The following RBM20 variants were observed in gnomAD, a reference collection of about 807,000 sequenced individuals.
RBM20 encodes RNA-binding protein 20.
A neutral mutation model predicts 110.1 loss-of-function variants in RBM20; 51 were observed. That is an observed-to-expected ratio of 0.46 (90% CI 0.37 to 0.59). The LOEUF is 0.59. RBM20 is among the 20% of genes least tolerant of loss of function. RBM20 has a pLI of 0.00. For synonymous variants in RBM20, 589 were observed against 618.2 expected (o/e 0.95, Z 0.70); for missense variants, 1,512 against 1,574.9 (o/e 0.96, Z 0.68).
At chr10:110,818,307 ACC>A (rs777133618) in intron 9 of RBM20, among the ~76,000 whole-genome samples, 38,952 of 136,846 alleles carry the variant, frequency 0.28, 7,830 homozygotes, top group East Asian at 0.41. Flanking sequence ...AAAAAAAAAA[ACC>A]AAAACGACAA....
intron 12 of RBM20, among the ~76,000 whole-genome samples, chr10:110,825,981 G>T (rs1469337538): frequency 1.3e-5 from 2 of 152,218 alleles, no homozygotes; most frequent in African/African-American, 4.8e-5. Flanking sequence ...GTTCTCTGCT[G>T]CCTTTCAGAT....
chr10:110,833,487 C>T (rs1435562310), intron 13 of RBM20, among the ~76,000 whole-genome samples: 3 of 151,158 alleles, frequency 2.0e-5, no homozygotes, highest in Non-Finnish European at 2.9e-5. Flanking sequence ...GTATTGTAAA[C>T]CATCCTTATA....
intron 1 of RBM20, among the ~76,000 whole-genome samples, chr10:110,776,073 A>C (rs1328603364): frequency 2.6e-5 from 4 of 152,158 alleles, no homozygotes; most frequent in Non-Finnish European, 4.4e-5. Context: ...CCCATGAGCC[A>C]ATCACTGTTG....
At chr10:110,759,991 G>A (rs72823880) in intron 1 of RBM20, among the ~76,000 whole-genome samples, 3,913 of 152,264 alleles carry the variant, frequency 0.026, 92 homozygotes, top group Non-Finnish European at 0.036. Flanking sequence ...TCTGCAATTA[G>A]CTCAGTGGTG....
intron 1 of RBM20, among the ~76,000 whole-genome samples, chr10:110,741,714 G>T (rs1843727168): frequency 6.6e-6 from 1 of 152,042 alleles, no homozygotes; most frequent in Admixed American, 6.6e-5. Flanking sequence ...CCTGAGGGCT[G>T]CCCCCTGCCC....
intron 1 of RBM20, among the ~76,000 whole-genome samples, chr10:110,771,846 A>G (rs760925718): frequency 1.3e-5 from 2 of 152,254 alleles, no homozygotes; most frequent in Non-Finnish European, 2.9e-5. Context: ...GGATTGATCT[A>G]TAAATCCCTA....
intron 1 of RBM20, among the ~76,000 whole-genome samples, chr10:110,713,411 C>T (rs1430294716): frequency 6.6e-6 from 1 of 152,118 alleles, no homozygotes; most frequent in African/African-American, 2.4e-5. Flanking sequence ...TATCCTGAGT[C>T]CTCTCCACTC....
At chr10:110,809,177 A>T (rs1177015867) in intron 7 of RBM20, among the ~76,000 whole-genome samples, 1 of 141,398 alleles carries the variant, frequency 7.1e-6, no homozygotes, top group Non-Finnish European at 1.5e-5. Flanking sequence ...TGATTGTACC[A>T]TTGCATTCCA....
chr10:110,680,768 T>G (rs1862412335), intron 1 of RBM20, among the ~76,000 whole-genome samples: 1 of 152,150 alleles, frequency 6.6e-6, no homozygotes, highest in African/African-American at 2.4e-5. Flanking sequence ...ATACCAGGTT[T>G]GATCAGTAAG....
intron 1 of RBM20, among the ~76,000 whole-genome samples, chr10:110,689,664 C>T (rs572906383): frequency 5.3e-5 from 8 of 152,306 alleles, no homozygotes; most frequent in South Asian, 2.1e-4. Context: ...TGGGAAATTC[C>T]GTGGAAAGCC....
chr10:110,776,531 C>T (rs1475804303), intron 1 of RBM20, among the ~76,000 whole-genome samples: 1 of 152,200 alleles, frequency 6.6e-6, no homozygotes. Context: ...CTCATGGCCC[C>T]TTCCTCCATC....
chr10:110,654,106 G>T (rs1302046402), intron 1 of RBM20, among the ~76,000 whole-genome samples: 3 of 152,194 alleles, frequency 2.0e-5, no homozygotes, highest in Non-Finnish European at 2.9e-5. Flanking sequence ...GTTGTCTGCA[G>T]AGGTGCTACC....
chr10:110,689,988 C>T (rs1590619349), intron 1 of RBM20, among the ~76,000 whole-genome samples: 1 of 152,062 alleles, frequency 6.6e-6, no homozygotes, highest in Admixed American at 6.5e-5. Flanking sequence ...TTAAATAGGG[C>T]CTTCAGATCA....
chr10:110,800,015 G>A (rs1251194896), intron 7 of RBM20, 97 bp downstream of exon 7: 2 of 1,152,520 alleles, frequency 1.7e-6, no homozygotes, highest in African/African-American at 3.1e-5. Context: ...GAAAGGAGAG[G>A]ATAGGAAAAG....
intron 11 of RBM20, among the ~76,000 whole-genome samples, 186 bp from the exon 12 acceptor site, chr10:110,823,294 A>G (rs1007779623): frequency 1.6e-4 from 24 of 152,224 alleles, no homozygotes; most frequent in African/African-American, 5.8e-4. Context: ...CAGTGGAAAA[A>G]GCTCCTAATG....
In RBM20 at chr10:110,821,524, G is replaced by C. The variant is rs369747752; in HGVS notation, c.2905G>C (p.Val969Leu). Reference sequence around the variant, plus strand: ...TTTCCCCAAGGAAGGAGTCAAGGCCGTAGGGAATGGGGCTGCAGAAATCAG... The same window carrying C: ...TTTCCCCAAGGAAGGAGTCAAGGCCCTAGGGAATGGGGCTGCAGAAATCAG... ...QDFPKEGVKA[V>L]GNGAAEISLK... Residue 969 changes from valine to leucine, a missense_variant, in exon 11 of 14, where the codon GTA (valine) becomes CTA (leucine). Transcript: ENST00000369519. The C allele has an allele frequency of 4.5e-6, 7 of 1,552,022 alleles. No individual in the cohort carries two copies. In the South Asian group the frequency reaches 8.3e-5, roughly 18 times the overall value.
At chr10:110,742,782 G>A (rs1353918111) in intron 1 of RBM20, among the ~76,000 whole-genome samples, 1 of 152,214 alleles carries the variant, frequency 6.6e-6, no homozygotes, top group African/African-American at 2.4e-5. Flanking sequence ...GGGAGGCTCG[G>A]TTAGTATTTC....
rs959605686 is a variant in RBM20 at position 110,821,920 on chromosome 10, G to A, written c.3301G>A (p.Glu1101Lys). 1.5e-5 allele frequency: 23 copies of A among 1,551,610 alleles called. No individual in the cohort carries two copies. Among genetic ancestry groups the A allele is most frequent in the Non-Finnish European group, 1.9e-5 (22 of 1,147,002 alleles). ...TGACCTCCAAAACCAAGCTTGCCAA[G>A]AAGTGTTGACCCCGGGTAACTATCT... The part of the protein sequence containing the change: ...ETDLQNQACQ[E>K]VLTPENSRYV... Residue 1101 changes from glutamate (E) to lysine (K), a missense_variant, in exon 11 of 14, where the codon GAA (glutamate) becomes AAA (lysine). This residue lies in a region of RBM20 where 358 missense variants were observed against 384.2 expected (regional missense o/e 0.93). Transcript: ENST00000369519.
chr10:110,831,682 A>AAAC (rs58107526), intron 13 of RBM20, among the ~76,000 whole-genome samples: 4,017 of 136,494 alleles, frequency 0.029, 122 homozygotes, highest in African/African-American at 0.033. Flanking sequence ...AAAAAAAAAA[A>AAAC]AAAAAAAAAC....
Sources: allele counts gnomAD v4.1 joint callset (sites outside exome capture counted in the v4.1 genomes callset), GRCh38; gene constraint gnomAD v4.1.1; regional missense constraint gnomAD v4.1.1; transcripts MANE v1.5; gene names NCBI Gene and HGNC (gene_info 2026-07-23, HGNC 2026-07-21).